The following KSR2 variants were observed in gnomAD, a reference collection of about 807,000 sequenced individuals.
KSR2 encodes the protein kinase suppressor of ras 2.
In KSR2, 25 loss-of-function variants were observed where a neutral mutation model predicts 107.8. That is an observed-to-expected ratio of 0.23 (90% CI 0.17 to 0.32). The LOEUF (loss-of-function observed/expected upper bound fraction) is 0.32, where lower values mean the gene tolerates loss of function less well. Among genes scored for constraint, KSR2 ranks in the 10% least tolerant of loss-of-function variants. KSR2 has a pLI of 1.00. For missense variants in KSR2, 887 were observed against 1,268.9 expected (o/e 0.70, Z 4.57); for synonymous variants, 480 against 507.0 (o/e 0.95, Z 0.71).
At chr12:117,818,195 G>A (rs924963018) in intron 3 of KSR2, among the ~76,000 whole-genome samples, 5 of 152,130 alleles carry the variant, frequency 3.3e-5, no homozygotes, top group Non-Finnish European at 7.4e-5. Context: ...GCAATCTCTG[G>A]GGTCACACTG....
intron 3 of KSR2, among the ~76,000 whole-genome samples, chr12:117,840,309 G>GC (rs1892415821): frequency 6.6e-6 from 1 of 152,102 alleles, no homozygotes; most frequent in African/African-American, 2.4e-5. Context: ...TGTTGGCCAG[G>GC]CTGTTCTTGA....
chr12:117,706,462 T>C (rs754914110), intron 4 of KSR2, among the ~76,000 whole-genome samples: 8 of 152,040 alleles, frequency 5.3e-5, no homozygotes, highest in Admixed American at 2.6e-4. Context: ...CACATTCCCA[T>C]AGTGGACATT....
At chr12:117,830,828 C>A (rs6490159) in intron 3 of KSR2, among the ~76,000 whole-genome samples, 11,005 of 152,164 alleles carry the variant, frequency 0.072, 1,219 homozygotes, top group African/African-American at 0.23. Context: ...TACTATTATT[C>A]TTACTAATAC....
chr12:117,736,469 A>T (rs922687840), intron 4 of KSR2, among the ~76,000 whole-genome samples: 1 of 152,178 alleles, frequency 6.6e-6, no homozygotes, highest in African/African-American at 2.4e-5. Context: ...CATCTGAGTA[A>T]GTCTCATCCC....
chr12:117,618,870 C>T (rs1052751413), intron 5 of KSR2, among the ~76,000 whole-genome samples: 11 of 152,130 alleles, frequency 7.2e-5, no homozygotes, highest in African/African-American at 1.7e-4. Flanking sequence ...AGCATGAAAA[C>T]GGACTAATAC....
At chr12:117,572,673 C>T (rs1239594401) in intron 7 of KSR2, among the ~76,000 whole-genome samples, 1 of 150,018 alleles carries the variant, frequency 6.7e-6, no homozygotes, top group Non-Finnish European at 1.5e-5. Flanking sequence ...GGAAGATGTT[C>T]CCCTCTCTTC....
At chr12:117,860,051 G>A (rs771251914) in intron 2 of KSR2, among the ~76,000 whole-genome samples, 1 of 152,214 alleles carries the variant, frequency 6.6e-6, no homozygotes, top group Non-Finnish European at 1.5e-5. Context: ...TGGCCAAGGT[G>A]ACTCTGTGAA....
intron 8 of KSR2, among the ~76,000 whole-genome samples, chr12:117,556,321 A>G (rs1342107778): frequency 6.6e-6 from 1 of 152,156 alleles, no homozygotes; most frequent in African/African-American, 2.4e-5. Context: ...AAAACCCTCT[A>G]CGGAGGAGAA....
chr12:117,514,961 C>T (rs1244911460), intron 14 of KSR2, among the ~76,000 whole-genome samples: 6 of 152,138 alleles, frequency 3.9e-5, no homozygotes, highest in Non-Finnish European at 8.8e-5. Context: ...ATATGCTGTC[C>T]CCTCCATTAG....
rs140156256 is a variant in KSR2 at position 117,834,848 on chromosome 12, A to T, written c.472+20580T>A. Among the ~76,000 whole-genome samples, 219 of 152,340 alleles carry T rather than the reference A, an allele frequency of 1.4e-3. 1 individual carries two copies. The highest frequency in any genetic ancestry group is 2.0e-3 in the Non-Finnish European group (136 of 68,024). On this transcript the variant is annotated intron_variant, in intron 3 of 19. Coordinates refer to ENST00000339824, the MANE Select transcript of KSR2 (RefSeq NM_173598.6). ...TTGCAGGCAGAAGAAACAAATGCAA[A>T]GGTGGGAATTAATTTTTTTATGTTC...
intron 5 of KSR2, among the ~76,000 whole-genome samples, chr12:117,660,142 C>A (rs1460697413): frequency 3.3e-5 from 5 of 152,152 alleles, no homozygotes; most frequent in Admixed American, 2.0e-4. Flanking sequence ...TATTGACTTG[C>A]CATGATTATA....
chr12:117,515,957 G>A (rs962178835), intron 14 of KSR2, among the ~76,000 whole-genome samples: 5 of 152,182 alleles, frequency 3.3e-5, no homozygotes, highest in Admixed American at 2.6e-4. Context: ...AATGTAATAG[G>A]AGGAGACAGA....
chr12:117,761,415 A>G lies in KSR2; in HGVS notation c.582T>C (p.His194=), dbSNP rs773070529. 1 of 1,609,172 alleles carries G rather than the reference A, an allele frequency of 6.2e-7. No individual in the cohort carries two copies. Among genetic ancestry groups the G allele is most frequent in the Non-Finnish European group, 8.5e-7 (1 of 1,178,744 alleles). ...ACGGGACCCTGGGGCTCTGGGAGAG[A>G]TGGGTGCGGATCCACGGGGTGGGCT... The part of the protein sequence containing the change: ...PPEPTPWIRT[H]LSQSPRVPSK... The change falls in exon 4 of 20, where the codon CAT becomes CAC. Residue 194 remains histidine, a synonymous_variant. Transcript: ENST00000339824.
chr12:117,549,437 T>A (rs550833984), intron 9 of KSR2, among the ~76,000 whole-genome samples: 15 of 149,024 alleles, frequency 1.0e-4, no homozygotes, highest in East Asian at 2.0e-4. Flanking sequence ...CGTCTAACTT[T>A]AAAAAAAAAA....
chr12:117,861,586 C>T (rs1893298135), intron 1 of KSR2, among the ~76,000 whole-genome samples: 1 of 151,844 alleles, frequency 6.6e-6, no homozygotes, highest in South Asian at 2.1e-4. Flanking sequence ...GACGGGGTTT[C>T]ACCATGTTAG....
chr12:117,712,774 C>A (rs1886835614), intron 4 of KSR2, among the ~76,000 whole-genome samples: 2 of 152,098 alleles, frequency 1.3e-5, no homozygotes, highest in African/African-American at 4.8e-5. Flanking sequence ...AAATCAATCC[C>A]TCTCATTCAT....
At chr12:117,952,071 T>C (rs889439831) in intron 1 of KSR2, among the ~76,000 whole-genome samples, 2 of 151,966 alleles carry the variant, frequency 1.3e-5, no homozygotes, top group Admixed American at 1.3e-4. Context: ...ATTCTGGGGA[T>C]ATAATATACA....
At chr12:117,708,299 A>T (rs1204436555) in intron 4 of KSR2, among the ~76,000 whole-genome samples, 1 of 152,186 alleles carries the variant, frequency 6.6e-6, no homozygotes, top group Non-Finnish European at 1.5e-5. Context: ...AGTGGAGTCC[A>T]GTGGTTCTAG....
chr12:117,784,490 C>G (rs530233858), intron 3 of KSR2, among the ~76,000 whole-genome samples: 1 of 152,172 alleles, frequency 6.6e-6, no homozygotes, highest in African/African-American at 2.4e-5. Context: ...ATTAGCAGCA[C>G]GAGAACAGGC....
Sources: gnomAD v4.1 joint callset for allele counts (sites outside exome capture counted in the v4.1 genomes callset) on GRCh38, gnomAD v4.1.1 for gene constraint, MANE v1.5 for transcripts, NCBI Gene and HGNC (gene_info 2026-07-23, HGNC 2026-07-21) for gene names.